The following FAM135B variants were observed in gnomAD, a reference collection of about 807,000 sequenced individuals.
The protein encoded by FAM135B is protein FAM135B.
FAM135B carries 43 observed loss-of-function variants against 127.7 expected under a neutral mutation model. That is an observed-to-expected ratio of 0.34 (90% CI 0.26 to 0.43). FAM135B has a LOEUF of 0.43. Ranked by LOEUF, FAM135B falls within the 20% of genes least tolerant of loss-of-function variation. FAM135B has a pLI of 1.00. For missense variants in FAM135B, 1,558 were observed against 1,725.6 expected, an observed-to-expected ratio of 0.90 and a Z score of 1.72; for synonymous variants, 670 against 665.1, an observed-to-expected ratio of 1.01 and a Z score of -0.11.
chr8:138,264,142 T>C (rs566798823), intron 4 of FAM135B, among the ~76,000 whole-genome samples: 1 of 152,312 alleles, frequency 6.6e-6, no homozygotes, highest in South Asian at 2.1e-4. Context: ...CCTCAGGCTC[T>C]TTGTCCTTAC....
chr8:138,433,126 G>T (rs1008942255), intron 1 of FAM135B, among the ~76,000 whole-genome samples: 1 of 152,126 alleles, frequency 6.6e-6, no homozygotes. Flanking sequence ...ACTTTTTCCA[G>T]CAATGAAGAG....
At chr8:138,292,146 T>C (rs1245223380) in intron 3 of FAM135B, among the ~76,000 whole-genome samples, 1 of 151,846 alleles carries the variant, frequency 6.6e-6, no homozygotes, top group Non-Finnish European at 1.5e-5. Context: ...CAGAAAGAAA[T>C]CAATAAAGCA....
chr8:138,462,851 G>A (rs1227996898), intron 1 of FAM135B, among the ~76,000 whole-genome samples: 1 of 152,194 alleles, frequency 6.6e-6, no homozygotes. Flanking sequence ...TTTGGGGAAA[G>A]TCAACGCCCA....
chr8:138,179,451 A>G (rs577860195), intron 9 of FAM135B, among the ~76,000 whole-genome samples: 58 of 152,342 alleles, frequency 3.8e-4, no homozygotes, highest in African/African-American at 1.4e-3. Context: ...ATCCAATTAC[A>G]GAAAGTGAAA....
chr8:138,282,203 C>G (rs191238867), intron 3 of FAM135B, among the ~76,000 whole-genome samples: 2 of 152,226 alleles, frequency 1.3e-5, no homozygotes, highest in East Asian at 3.9e-4. Context: ...TTAACATGTT[C>G]AAAAGTAATC....
At chr8:138,335,255 G>T (rs1828484969) in intron 2 of FAM135B, among the ~76,000 whole-genome samples, 1 of 152,120 alleles carries the variant, frequency 6.6e-6, no homozygotes, top group African/African-American at 2.4e-5. Context: ...GAGTCCCACA[G>T]AGGTGAGAGG....
intron 2 of FAM135B, among the ~76,000 whole-genome samples, chr8:138,354,449 C>T (rs550648438): frequency 5.9e-5 from 9 of 152,320 alleles, no homozygotes; most frequent in African/African-American, 1.9e-4. Flanking sequence ...CAGTCTTTAT[C>T]TGGCTTGTGA....
At position 138,219,784 on chromosome 8, in the gene FAM135B, T is replaced by C. The variant is rs370272697; in HGVS notation, c.670-22115A>G. Among the ~76,000 whole-genome samples, 3 of 152,040 alleles carry C rather than the reference T, an allele frequency of 2.0e-5. No individual in the cohort carries two copies. In the East Asian group the frequency reaches 5.8e-4, roughly 29 times the overall value. On this transcript the variant is annotated intron_variant, in intron 7 of 19. Coordinates refer to ENST00000395297, the MANE Select transcript of FAM135B (RefSeq NM_015912.4). The stretch of plus-strand genomic sequence containing the variant: ...CGGATCAGGTTCTCCCTTGGAATAA[T>C]CCAAATGTGTTTTTACTAGTCAGCT...
rs545712386 is a variant in FAM135B at position 138,132,695 on chromosome 8, A to G, written c.4119T>C (p.Thr1373=). ...RHNVFHALPN[T]ANTLIGRAAH... Reference sequence around the variant, plus strand: ...CGGCTCGGCCGATCAGGGTGTTGGCAGTGTTGGGCAGGGCGTGGAACACGT... The same window carrying G: ...CGGCTCGGCCGATCAGGGTGTTGGCGGTGTTGGGCAGGGCGTGGAACACGT... Residue 1373 remains threonine (T), a synonymous_variant, in exon 20 of 20, where the codon ACT becomes ACC. Transcript: ENST00000395297. This position sits in a 1 kb window ranked among gnomAD's most constrained non-coding sequence, Gnocchi z 4.5. The G allele has an allele frequency of 1.2e-5, 20 of 1,614,178 alleles. No individual in the cohort carries two copies. In the South Asian group the frequency reaches 2.0e-4, roughly 16 times the overall value.
At chr8:138,339,323 A>G (rs923400934) in intron 2 of FAM135B, among the ~76,000 whole-genome samples, 4 of 150,838 alleles carry the variant, frequency 2.7e-5, no homozygotes, top group Non-Finnish European at 5.9e-5. Flanking sequence ...CTCAGATTTG[A>G]TAAGTCAGTT....
chr8:138,418,158 C>T (rs1443041519), intron 1 of FAM135B, among the ~76,000 whole-genome samples: 1 of 152,066 alleles, frequency 6.6e-6, no homozygotes, highest in Non-Finnish European at 1.5e-5. Context: ...ATAATATAAT[C>T]AGAAGTATTA....
intron 1 of FAM135B, among the ~76,000 whole-genome samples, chr8:138,448,792 G>GAA (rs558114908): frequency 7.3e-6 from 1 of 136,648 alleles, no homozygotes; most frequent in African/African-American, 2.7e-5. Flanking sequence ...AACACAGGGG[G>GAA]AAAAAAAAAA....
intron 2 of FAM135B, among the ~76,000 whole-genome samples, chr8:138,356,368 C>T (rs1830091309): frequency 6.6e-6 from 1 of 152,048 alleles, no homozygotes; most frequent in Non-Finnish European, 1.5e-5. Context: ...TTTCAAGTGG[C>T]CACTTGCAGA....
At chr8:138,472,893 C>T (rs1287335118) in intron 1 of FAM135B, among the ~76,000 whole-genome samples, 1 of 152,132 alleles carries the variant, frequency 6.6e-6, no homozygotes, top group Non-Finnish European at 1.5e-5. Context: ...GATGTCTCCC[C>T]TCAAGACCAA....
At chr8:138,206,407 A>G (rs1817612856) in intron 7 of FAM135B, among the ~76,000 whole-genome samples, 1 of 149,336 alleles carries the variant, frequency 6.7e-6, no homozygotes, top group Admixed American at 6.6e-5. Flanking sequence ...ACACAGCTCT[A>G]TCGTCCCCTC....
intron 7 of FAM135B, among the ~76,000 whole-genome samples, chr8:138,219,961 CA>C (rs1818893994): frequency 1.3e-5 from 2 of 152,044 alleles, no homozygotes; most frequent in Non-Finnish European, 2.9e-5. Context: ...TATATTAACT[CA>C]TTTTTTTCTC....
chr8:138,289,440 TC>T (rs1824936214), intron 3 of FAM135B, among the ~76,000 whole-genome samples: 1 of 152,218 alleles, frequency 6.6e-6, no homozygotes. Flanking sequence ...GGGCTTGCAC[TC>T]CCTCACTCCA....
Position 138,223,718 on chromosome 8 carries a change from G to A in FAM135B, c.669+19224C>T, listed in dbSNP as rs529620514. On this transcript the variant is annotated intron_variant, in intron 7 of 19. Coordinates refer to ENST00000395297, the MANE Select transcript of FAM135B (RefSeq NM_015912.4). ...ACTCAGAGCATTGTGCACTAGTATT[G>A]CAGAAATGTGTTAAACTCACATGTT... is the stretch of plus-strand genomic sequence containing the variant. Among the ~76,000 whole-genome samples the A allele has an allele frequency of 8.3e-4, 126 of 152,254 alleles. No individual in the cohort carries two copies. The South Asian group carries it at 0.024, about 29-fold the overall frequency.
intron 2 of FAM135B, among the ~76,000 whole-genome samples, chr8:138,329,282 A>G (rs1244995700): frequency 2.0e-5 from 3 of 152,168 alleles, no homozygotes; most frequent in Admixed American, 1.3e-4. Flanking sequence ...TCTCTGACCA[A>G]TTTCCAGCTC....
Sources: allele counts gnomAD v4.1 joint callset (sites outside exome capture counted in the v4.1 genomes callset), GRCh38; gene constraint gnomAD v4.1.1; non-coding constraint Gnocchi (gnomAD v3.1); transcripts MANE v1.5; gene names NCBI Gene and HGNC (gene_info 2026-07-23, HGNC 2026-07-21).